Variants in AGBL4 observed in about 807,000 individuals in gnomAD.
The protein encoded by AGBL4 is cytosolic carboxypeptidase 6.
In AGBL4, 58 loss-of-function variants were observed where a neutral mutation model predicts 66.4. The observed-to-expected ratio is 0.87, with a 90% CI of 0.71 to 1.09. The LOEUF is 1.09. Ranked by LOEUF, AGBL4 falls within the 50% of genes least tolerant of loss-of-function variation. The pLI is 0.00. For missense variants in AGBL4, 579 were observed against 631.0 expected (o/e 0.92, Z 0.88); for synonymous variants, 234 against 222.9 (o/e 1.05, Z -0.44).
intron 3 of AGBL4, among the ~76,000 whole-genome samples, chr1:49,515,209 T>C (rs1181790971): frequency 1.3e-5 from 2 of 151,726 alleles, no homozygotes; most frequent in Non-Finnish European, 2.9e-5. Flanking sequence ...CAAACAACCC[T>C]ATCAAAAAGT....
intron 6 of AGBL4, among the ~76,000 whole-genome samples, chr1:48,765,474 T>C (rs1403928089): frequency 1.3e-5 from 2 of 152,220 alleles, no homozygotes; most frequent in Non-Finnish European, 2.9e-5. Context: ...CTGGGTATTG[T>C]AGAATGGGCA....
intron 11 of AGBL4, among the ~76,000 whole-genome samples, chr1:48,565,148 A>C (rs1414338215): frequency 6.6e-6 from 1 of 152,212 alleles, no homozygotes; most frequent in African/African-American, 2.4e-5. Flanking sequence ...TAATTACAGC[A>C]GACGATGCCT....
chr1:49,752,644 T>C (rs1051627884), intron 2 of AGBL4, among the ~76,000 whole-genome samples: 4 of 152,188 alleles, frequency 2.6e-5, no homozygotes, highest in Admixed American at 2.6e-4. Context: ...TCTGTCCCCA[T>C]CTGTCTGATA....
intron 3 of AGBL4, among the ~76,000 whole-genome samples, chr1:49,605,419 C>A (rs1165470422): frequency 6.6e-6 from 1 of 151,944 alleles, no homozygotes; most frequent in Non-Finnish European, 1.5e-5. Context: ...TTTGATGGGT[C>A]CACAGAAAAG....
chr1:49,124,979 C>G (rs1645736143), intron 4 of AGBL4, among the ~76,000 whole-genome samples: 4 of 152,076 alleles, frequency 2.6e-5, no homozygotes, highest in Admixed American at 2.6e-4. Flanking sequence ...CCACAGGACC[C>G]CAAAGTTTGT....
chr1:49,638,358 G>A (rs569953099), intron 3 of AGBL4, among the ~76,000 whole-genome samples: 1 of 152,280 alleles, frequency 6.6e-6, no homozygotes, highest in East Asian at 1.9e-4. Flanking sequence ...AAGTGTAAGA[G>A]AAGCTCACAT....
chr1:48,764,632 G>A (rs1471146287), intron 6 of AGBL4, among the ~76,000 whole-genome samples: 3 of 152,344 alleles, frequency 2.0e-5, no homozygotes, highest in African/African-American at 7.2e-5. Flanking sequence ...GGCTCAGTGT[G>A]CAGATGTGGA....
chr1:48,977,564 A>G (rs1395791912), intron 5 of AGBL4, among the ~76,000 whole-genome samples: 2 of 152,206 alleles, frequency 1.3e-5, no homozygotes. Context: ...CAGAAGTTTC[A>G]TTTCTCATAC....
chr1:49,215,872 C>T (rs998385133), intron 4 of AGBL4, among the ~76,000 whole-genome samples: 1 of 152,024 alleles, frequency 6.6e-6, no homozygotes, highest in Admixed American at 6.6e-5. Context: ...GTTGATTACT[C>T]CATTGATAGT....
intron 3 of AGBL4, among the ~76,000 whole-genome samples, chr1:49,538,630 G>T (rs1221538581): frequency 1.3e-5 from 2 of 152,026 alleles, no homozygotes; most frequent in African/African-American, 4.8e-5. Flanking sequence ...TATCATTAGT[G>T]GCAAAATGAG....
At chr1:49,948,404 T>G (rs1363364330) in intron 1 of AGBL4, among the ~76,000 whole-genome samples, 283 of 107,708 alleles carry the variant, frequency 2.6e-3, no homozygotes, top group East Asian at 4.9e-3. Flanking sequence ...TATAAATATA[T>G]ATAAATATAG....
At chr1:48,920,624 T>G (rs1264077913) in intron 5 of AGBL4, among the ~76,000 whole-genome samples, 1 of 152,046 alleles carries the variant, frequency 6.6e-6, no homozygotes, top group Non-Finnish European at 1.5e-5. Flanking sequence ...GACAAGAAAA[T>G]CAATGTTCAG....
chr1:49,951,337 G>C (rs139295614), intron 1 of AGBL4, among the ~76,000 whole-genome samples: 7 of 151,988 alleles, frequency 4.6e-5, no homozygotes, highest in African/African-American at 1.7e-4. Context: ...GGAAAGCCAT[G>C]AAGGGAGGGT....
intron 1 of AGBL4, among the ~76,000 whole-genome samples, chr1:49,927,383 T>G (rs1652884734): frequency 6.6e-6 from 1 of 152,050 alleles, no homozygotes; most frequent in Non-Finnish European, 1.5e-5. Context: ...CTAAAGAAAC[T>G]TACAATCATA....
chr1:49,235,732 A>C (rs1399912721), intron 4 of AGBL4, among the ~76,000 whole-genome samples: 1 of 152,178 alleles, frequency 6.6e-6, no homozygotes, highest in African/African-American at 2.4e-5. Context: ...GATGGCCTAC[A>C]TCTTCCCTGG....
intron 2 of AGBL4, among the ~76,000 whole-genome samples, chr1:49,741,627 T>A (rs1650483337): frequency 6.6e-6 from 1 of 152,308 alleles, no homozygotes; most frequent in Admixed American, 6.5e-5. Flanking sequence ...ATATCCCTGA[T>A]GAACATCGAT....
chr1:49,900,399 C>A (rs916862979), intron 1 of AGBL4, among the ~76,000 whole-genome samples: 2 of 151,984 alleles, frequency 1.3e-5, no homozygotes, highest in African/African-American at 4.8e-5. Context: ...GCATGCACCA[C>A]CACGCCAGGC....
chr1:48,610,648 T>C (rs574224075), intron 9 of AGBL4, among the ~76,000 whole-genome samples: 1 of 152,346 alleles, frequency 6.6e-6, no homozygotes, highest in South Asian at 2.1e-4. Context: ...TATGCACATT[T>C]AGATGGAAAG....
intron 2 of AGBL4, among the ~76,000 whole-genome samples, chr1:49,829,968 T>C (rs931328578): frequency 6.6e-6 from 1 of 152,212 alleles, no homozygotes; most frequent in African/African-American, 2.4e-5. Context: ...TATGTCTGCA[T>C]AGTATTCCAT....
Sources: allele counts gnomAD v4.1 joint callset (sites outside exome capture counted in the v4.1 genomes callset), GRCh38; gene constraint gnomAD v4.1.1; transcripts MANE v1.5; gene names NCBI Gene and HGNC (gene_info 2026-07-23, HGNC 2026-07-21).